The following RCAN2 variants were observed in gnomAD, a reference collection of about 807,000 sequenced individuals.
The protein encoded by RCAN2 is regulator of calcineurin 2, also known as calcipressin-2.
Under a neutral mutation model 23.6 loss-of-function variants are expected in RCAN2, and 9 were observed. The ratio of observed to expected loss-of-function variants is 0.38; its 90% CI spans 0.23 to 0.67. The LOEUF is 0.67. Among genes scored for constraint, RCAN2 ranks in the 30% least tolerant of loss-of-function variants. RCAN2 has a pLI of 0.51. For synonymous variants in RCAN2, 109 were observed against 115.7 expected (o/e 0.94, Z 0.37); for missense variants, 273 against 302.3 (o/e 0.90, Z 0.72).
rs577152676 is a variant in RCAN2 at position 46,318,722 on chromosome 6, A to G, written c.226-69826T>C. Among the ~76,000 whole-genome samples the G allele has an allele frequency of 4.6e-5, 7 of 152,316 alleles. No homozygotes were observed. In the East Asian group the frequency reaches 5.8e-4, roughly 13 times the overall value. On this transcript the variant is annotated intron_variant, in intron 2 of 4. Coordinates refer to ENST00000371374, the MANE Select transcript of RCAN2 (RefSeq NM_001251974.2). ...CTATGGTAACAGAAGGTTAAAAAAA[A>G]AGAGAAATATATAGTAAATATGCAT...
intron 4 of RCAN2, among the ~76,000 whole-genome samples, chr6:46,232,338 C>G (rs1417246507): frequency 6.6e-6 from 1 of 152,194 alleles, no homozygotes; most frequent in Admixed American, 6.5e-5. Flanking sequence ...CCCGGGTAAA[C>G]AGATAATCTG....
chr6:46,429,295 G>A (rs1767120410), intron 2 of RCAN2, among the ~76,000 whole-genome samples: 1 of 152,134 alleles, frequency 6.6e-6, no homozygotes, highest in Non-Finnish European at 1.5e-5. Flanking sequence ...CACTTTAGAG[G>A]CAGCTTTGCA....
intron 2 of RCAN2, among the ~76,000 whole-genome samples, chr6:46,456,422 G>A (rs1768032589): frequency 6.6e-6 from 1 of 152,174 alleles, no homozygotes; most frequent in Non-Finnish European, 1.5e-5. Flanking sequence ...TAGAGGAAAA[G>A]GAAACTTTTA....
intron 2 of RCAN2, among the ~76,000 whole-genome samples, chr6:46,249,383 A>T (rs1488122145): frequency 1.5e-5 from 2 of 133,924 alleles, no homozygotes; most frequent in African/African-American, 5.8e-5. Context: ...CAGTGGCATG[A>T]TCTTGGCTCA....
At chr6:46,338,281 TA>T (rs1434881077) in intron 2 of RCAN2, among the ~76,000 whole-genome samples, 1 of 152,182 alleles carries the variant, frequency 6.6e-6, no homozygotes, top group East Asian at 1.9e-4. Context: ...GTAGCTAGGA[TA>T]CCACCACTGG....
intron 2 of RCAN2, among the ~76,000 whole-genome samples, chr6:46,335,690 C>T (rs1764119352): frequency 6.6e-6 from 1 of 152,208 alleles, no homozygotes. Context: ...TTTATCTCCA[C>T]TCCCTTTATC....
chr6:46,368,469 G>A (rs1298381070), intron 2 of RCAN2, among the ~76,000 whole-genome samples: 3 of 152,134 alleles, frequency 2.0e-5, no homozygotes, highest in Admixed American at 6.5e-5. Context: ...TATGTCCTGA[G>A]AAATAGGCAA....
chr6:46,239,331 G>C (rs995221588), intron 4 of RCAN2, among the ~76,000 whole-genome samples: 5 of 152,204 alleles, frequency 3.3e-5, no homozygotes, highest in Admixed American at 2.6e-4. Context: ...ACAGAGTCCA[G>C]GGAATTCAGT....
chr6:46,364,833 C>T (rs563590269), intron 2 of RCAN2, among the ~76,000 whole-genome samples: 1 of 152,282 alleles, frequency 6.6e-6, no homozygotes, highest in Non-Finnish European at 1.5e-5. Flanking sequence ...AAGAAATGCC[C>T]TTGTCTCCTA....
At chr6:46,427,494 G>A (rs1053240229) in intron 2 of RCAN2, among the ~76,000 whole-genome samples, 4 of 152,174 alleles carry the variant, frequency 2.6e-5, no homozygotes, top group African/African-American at 9.7e-5. Flanking sequence ...CAGGAATATA[G>A]TGTTCAGAAC....
intron 2 of RCAN2, among the ~76,000 whole-genome samples, chr6:46,415,896 T>C (rs1298803546): frequency 2.0e-5 from 3 of 152,214 alleles, no homozygotes; most frequent in East Asian, 3.8e-4. Context: ...GTCTGTGATA[T>C]AAAATGATGT....
intron 2 of RCAN2, among the ~76,000 whole-genome samples, chr6:46,419,365 G>A (rs1402743194): frequency 2.0e-5 from 3 of 152,148 alleles, no homozygotes; most frequent in Non-Finnish European, 4.4e-5. Context: ...CACCGGTTTA[G>A]AAGGCCTAGT....
chr6:46,447,755 G>A (rs1438351265), intron 2 of RCAN2, among the ~76,000 whole-genome samples: 1 of 151,428 alleles, frequency 6.6e-6, no homozygotes, highest in African/African-American at 2.4e-5. Flanking sequence ...CAACTAATGG[G>A]TCAAAGAAGA....
intron 2 of RCAN2, among the ~76,000 whole-genome samples, chr6:46,340,282 AC>A (rs1438790775): frequency 6.6e-6 from 1 of 152,164 alleles, no homozygotes; most frequent in Non-Finnish European, 1.5e-5. Context: ...AGAGATTTAT[AC>A]TGGAATTTAG....
intron 2 of RCAN2, among the ~76,000 whole-genome samples, chr6:46,340,767 T>C (rs1172401775): frequency 6.6e-6 from 1 of 152,200 alleles, no homozygotes; most frequent in African/African-American, 2.4e-5. Flanking sequence ...TGTATGTACA[T>C]GTGTGTGTGT....
intron 2 of RCAN2, among the ~76,000 whole-genome samples, chr6:46,383,403 T>C (rs1765662101): frequency 6.6e-6 from 1 of 152,076 alleles, no homozygotes; most frequent in South Asian, 2.1e-4. Flanking sequence ...TACCCAGACT[T>C]TATATCTGTG....
At chr6:46,296,039 C>A (rs992232638) in intron 2 of RCAN2, among the ~76,000 whole-genome samples, 1 of 150,496 alleles carries the variant, frequency 6.6e-6, no homozygotes, top group Non-Finnish European at 1.5e-5. Flanking sequence ...GGGAGTCACA[C>A]TGCCTGGGAT....
At chr6:46,303,627 T>C (rs918046975) in intron 2 of RCAN2, among the ~76,000 whole-genome samples, 1 of 152,072 alleles carries the variant, frequency 6.6e-6, no homozygotes, top group Non-Finnish European at 1.5e-5. Context: ...AGAAGGCTCG[T>C]TTCTGCCCTC....
chr6:46,448,053 T>C (rs539666630), intron 2 of RCAN2, among the ~76,000 whole-genome samples: 97 of 151,384 alleles, frequency 6.4e-4, no homozygotes, highest in African/African-American at 2.1e-3. Context: ...AAAAACTGAG[T>C]TGGCCTTTTA....
Sources: gnomAD v4.1 joint callset for allele counts (sites outside exome capture counted in the v4.1 genomes callset) on GRCh38, gnomAD v4.1.1 for gene constraint, MANE v1.5 for transcripts, NCBI Gene and HGNC (gene_info 2026-07-23, HGNC 2026-07-21) for gene names.